The following CARMIL1 variants were observed in gnomAD, a reference collection of about 807,000 sequenced individuals.
CARMIL1 encodes the protein capping protein regulator and myosin 1 linker 1.
In CARMIL1, 90 loss-of-function variants were observed where a neutral mutation model predicts 177.1. The observed-to-expected ratio is 0.51, with a 90% CI of 0.43 to 0.61. The LOEUF (loss-of-function observed/expected upper bound fraction) is 0.61, where lower values mean the gene tolerates loss of function less well. CARMIL1 is among the 20% of genes least tolerant of loss of function. The pLI is 0.00. For synonymous variants in CARMIL1, 577 were observed against 606.2 expected (o/e 0.95, Z 0.71); for missense variants, 1,380 against 1,667.0 (o/e 0.83, Z 3.00).
rs546761117 is a variant in CARMIL1 at position 25,330,754 on chromosome 6, CATT to C, written c.138+45847_138+45849del. Among the ~76,000 whole-genome samples, 566 of 151,864 alleles carry C rather than the reference CATT, an allele frequency of 3.7e-3. 4 individuals are homozygous for C. The highest frequency in any genetic ancestry group is 0.012 in the African/African-American group (514 of 41,410). ...TGGCACAAGCCATGATTTACCCCCTCATTAGGTGAGATACTTTTTGGAAGTGCT... is the reference window on the plus strand; with the variant it reads ...TGGCACAAGCCATGATTTACCCCCTCAGGTGAGATACTTTTTGGAAGTGCT... On this transcript the variant is annotated intron_variant, in intron 2 of 36. Transcript: ENST00000329474.
chr6:25,294,004 G>C (rs1782195767), intron 2 of CARMIL1, among the ~76,000 whole-genome samples: 1 of 152,240 alleles, frequency 6.6e-6, no homozygotes, highest in African/African-American at 2.4e-5. Flanking sequence ...TTATGGGTGT[G>C]AACCACTGTG....
At chr6:25,605,728 C>T (rs1243445879) in intron 34 of CARMIL1, among the ~76,000 whole-genome samples, 3 of 152,102 alleles carry the variant, frequency 2.0e-5, no homozygotes, top group Non-Finnish European at 2.9e-5. Flanking sequence ...TGAGAAAGAC[C>T]CAAATATTTC....
At position 25,554,127 on chromosome 6, in the gene CARMIL1, T is replaced by A; in HGVS notation, c.2592+31T>A. The A allele has an allele frequency of 6.8e-7, 1 of 1,478,512 alleles. No homozygotes were observed. Among genetic ancestry groups the A allele is most frequent in the Non-Finnish European group, 9.3e-7 (1 of 1,074,794 alleles). The allele number at this position is 1,478,512 out of a possible 1,614,324, so 91.6% of individuals were successfully genotyped here. ...TGCTGTGCACATCTTGAGCAGGACC[T>A]CCTGTTTCAGCTCTGCTGTGATGCA... On this transcript the variant is annotated intron_variant, in intron 28 of 36. Transcript: ENST00000329474. This position sits in a 1 kb window ranked among gnomAD's most constrained non-coding sequence, Gnocchi z 4.6.
chr6:25,581,453 A>G lies in CARMIL1; in HGVS notation c.3006+14A>G. Reference sequence around the variant, plus strand: ...ACCCAAGCAGCGGTAGGTGGACTGCAGGAGAGGCCCCATCTCTCCCACACC... The same window carrying G: ...ACCCAAGCAGCGGTAGGTGGACTGCGGGAGAGGCCCCATCTCTCCCACACC... On this transcript the variant is annotated intron_variant, in intron 31 of 36. Coordinates refer to ENST00000329474, the MANE Select transcript of CARMIL1 (RefSeq NM_017640.6). 1 of 1,597,676 alleles carries G rather than the reference A, an allele frequency of 6.3e-7. No individual in the cohort carries two copies. Among genetic ancestry groups the G allele is most frequent in the Non-Finnish European group, 8.5e-7 (1 of 1,171,442 alleles).
intron 8 of CARMIL1, among the ~76,000 whole-genome samples, chr6:25,458,349 G>A (rs373386202): frequency 3.3e-5 from 5 of 151,998 alleles, no homozygotes; most frequent in Middle Eastern, 3.2e-3. Flanking sequence ...TTAGCTGGGC[G>A]TGGTGGCACG....
At position 25,500,101 on chromosome 6, in the gene CARMIL1, C is replaced by A. The variant is rs965002120; in HGVS notation, c.1326-65C>A. 7.1e-6 allele frequency: 10 copies of A among 1,404,254 alleles called. 1 individual carries two copies. The African/African-American group carries it at 9.9e-5, about 14-fold the overall frequency. 87.0% of individuals were successfully genotyped at this position (1,404,254 alleles called of 1,614,324 possible). ...CTTTCTCTAGGCTTTATTCAGTGTG[C>A]TTGCATTTTTTCTTTTGGGCAGTGT... On this transcript the variant is annotated intron_variant, in intron 16 of 36. Transcript: ENST00000329474.
intron 35 of CARMIL1, among the ~76,000 whole-genome samples, chr6:25,608,469 A>G (rs1816196953): frequency 6.6e-6 from 1 of 152,184 alleles, no homozygotes; most frequent in Non-Finnish European, 1.5e-5. Context: ...ATTGTATCCC[A>G]TGTGGATAAA....
chr6:25,556,665 C>T, intron 28 of CARMIL1, 36 bp from the exon 29 acceptor site: 1 of 1,587,270 alleles, frequency 6.3e-7, no homozygotes, highest in African/African-American at 1.4e-5. Flanking sequence ...TTTCTCTGTA[C>T]TTTAATTTCT....
At chr6:25,289,554 C>T (rs1325571238) in intron 2 of CARMIL1, among the ~76,000 whole-genome samples, 2 of 152,152 alleles carry the variant, frequency 1.3e-5, no homozygotes, top group Non-Finnish European at 2.9e-5. Context: ...ATGCAGATTT[C>T]CATCACCACA....
intron 2 of CARMIL1, among the ~76,000 whole-genome samples, chr6:25,384,001 G>A (rs944336214): frequency 2.0e-5 from 3 of 152,038 alleles, no homozygotes; most frequent in African/African-American, 4.8e-5. Flanking sequence ...CACCATCCCC[G>A]GGTAATTTTT....
chr6:25,410,017 C>T (rs1794766501), intron 2 of CARMIL1, among the ~76,000 whole-genome samples: 1 of 152,068 alleles, frequency 6.6e-6, no homozygotes, highest in South Asian at 2.1e-4. Flanking sequence ...TTTTTATTCT[C>T]TGAATTTAAT....
At chr6:25,445,560 TGTC>T (rs1798153374) in intron 5 of CARMIL1, among the ~76,000 whole-genome samples, 2 of 151,582 alleles carry the variant, frequency 1.3e-5, no homozygotes, top group African/African-American at 4.9e-5. Flanking sequence ...TTTGAGTTGT[TGTC>T]TTGCTCAGTT....
chr6:25,357,188 G>A (rs988623288), intron 2 of CARMIL1, among the ~76,000 whole-genome samples: 5 of 151,832 alleles, frequency 3.3e-5, no homozygotes, highest in Admixed American at 6.6e-5. Flanking sequence ...TAGATAACTG[G>A]AATTTCCTAC....
chr6:25,437,889 C>A (rs947430635), intron 5 of CARMIL1, among the ~76,000 whole-genome samples: 2 of 152,162 alleles, frequency 1.3e-5, no homozygotes, highest in South Asian at 2.1e-4. Context: ...TCCCTTGCAT[C>A]TTTCTAGTTA....
In CARMIL1 at chr6:25,577,202, T is replaced by TGA; in HGVS notation, c.2743-3722_2743-3721insGA. On this transcript the variant is annotated intron_variant, in intron 29 of 36. Coordinates refer to ENST00000329474, the MANE Select transcript of CARMIL1 (RefSeq NM_017640.6). This position sits in a 1 kb window ranked among gnomAD's most constrained non-coding sequence, Gnocchi z 4.5. ...AGCAAAACAGGCGATGAATTTAAAA[T>TGA]ATCTCCAGCCATGTGCCTGAAAGCA... 4.8e-6 allele frequency: 4 copies of TGA among 837,420 alleles called. No individual in the cohort carries two copies. Among genetic ancestry groups the TGA allele is most frequent in the Non-Finnish European group, 5.8e-6 (4 of 694,934 alleles). The allele number at this position is 837,420 out of a possible 1,614,324, so 51.9% of individuals were successfully genotyped here.
Position 25,346,529 on chromosome 6 carries a change from A to G in CARMIL1, c.138+61620A>G, listed in dbSNP as rs189293386. Among the ~76,000 whole-genome samples, 19 of 152,256 alleles carry G rather than the reference A, an allele frequency of 1.2e-4. No individual in the cohort carries two copies. In the East Asian group the frequency reaches 3.7e-3, roughly 29 times the overall value. The stretch of plus-strand genomic sequence containing the variant: ...TTCTGTCTCCTTTGCCTAATTTATT[A>G]TTCTAGTATTTAGCATAATCTAATA... On this transcript the variant is annotated intron_variant, in intron 2 of 36. Coordinates refer to ENST00000329474, the MANE Select transcript of CARMIL1 (RefSeq NM_017640.6).
At chr6:25,395,957 A>G (rs958494358) in intron 2 of CARMIL1, among the ~76,000 whole-genome samples, 1 of 152,170 alleles carries the variant, frequency 6.6e-6, no homozygotes, top group South Asian at 2.1e-4. Flanking sequence ...TCTTGCGTAC[A>G]GTTTCTGTGC....
chr6:25,420,093 G>A, intron 2 of CARMIL1, 21 bp from the exon 3 acceptor site: 9 of 1,605,802 alleles, frequency 5.6e-6, no homozygotes, highest in Non-Finnish European at 7.7e-6. Context: ...TTATACTGAT[G>A]CTGCTGCTTC....
chr6:25,378,792 G>GAA (rs36039602), intron 2 of CARMIL1, among the ~76,000 whole-genome samples: 41,364 of 150,694 alleles, frequency 0.27, 6,107 homozygotes, highest in Non-Finnish European at 0.33. Context: ...GTTTTTTCCT[G>GAA]AAAAAAAAAT....
Sources: allele counts gnomAD v4.1 joint callset (sites outside exome capture counted in the v4.1 genomes callset), GRCh38; gene constraint gnomAD v4.1.1; non-coding constraint Gnocchi (gnomAD v3.1); transcripts MANE v1.5; gene names NCBI Gene and HGNC (gene_info 2026-07-23, HGNC 2026-07-21).